Variants in ROBO2 observed in about 807,000 individuals in gnomAD.
ROBO2 encodes the protein roundabout homolog 2.
Under a neutral mutation model 160.8 loss-of-function variants are expected in ROBO2, and 53 were observed. The ratio of observed to expected loss-of-function variants is 0.33; its 90% CI spans 0.26 to 0.41. ROBO2 has a LOEUF of 0.41. Among genes scored for constraint, ROBO2 ranks in the 10% least tolerant of loss-of-function variants. ROBO2 has a pLI of 1.00. For synonymous variants in ROBO2, 664 were observed against 611.7 expected (o/e 1.09, Z -1.26); for missense variants, 1,577 against 1,722.4 (o/e 0.92, Z 1.49).
chr3:76,393,615 A>G (rs1332923034), intron 2 of ROBO2, among the ~76,000 whole-genome samples: 5 of 152,182 alleles, frequency 3.3e-5, no homozygotes, highest in Non-Finnish European at 7.3e-5. Flanking sequence ...GAAACACTGT[A>G]GATAATGAGG....
intron 2 of ROBO2, among the ~76,000 whole-genome samples, chr3:76,722,603 A>G (rs940336020): frequency 6.6e-6 from 1 of 152,118 alleles, no homozygotes; most frequent in Non-Finnish European, 1.5e-5. Flanking sequence ...CTCACTACCC[A>G]TTCTCTCTCC....
chr3:76,153,109 G>C (rs1176387772), intron 2 of ROBO2, among the ~76,000 whole-genome samples: 1 of 152,110 alleles, frequency 6.6e-6, no homozygotes, highest in African/African-American at 2.4e-5. Flanking sequence ...GTGGATTTCA[G>C]TCCCATGAAA....
At chr3:77,153,849 A>G (rs2150549686) in intron 2 of ROBO2, among the ~76,000 whole-genome samples, 1 of 152,248 alleles carries the variant, frequency 6.6e-6, no homozygotes, top group African/African-American at 2.4e-5. Flanking sequence ...TAATCGGGTT[A>G]TAGCCCTTTA....
intron 2 of ROBO2, among the ~76,000 whole-genome samples, chr3:76,217,931 G>A (rs1187160743): frequency 9.9e-5 from 15 of 152,068 alleles, no homozygotes; most frequent in African/African-American, 2.2e-4. Flanking sequence ...CTGGCAAACC[G>A]AATCCAGCAA....
chr3:77,242,560 T>C (rs1313536062), intron 2 of ROBO2, among the ~76,000 whole-genome samples: 1 of 152,158 alleles, frequency 6.6e-6, no homozygotes, highest in African/African-American at 2.4e-5. Context: ...AGCTTTACTA[T>C]AGAGATGACA....
intron 2 of ROBO2, among the ~76,000 whole-genome samples, chr3:76,127,422 A>G (rs1391859675): frequency 6.6e-6 from 1 of 152,076 alleles, no homozygotes; most frequent in African/African-American, 2.4e-5. Context: ...CTGAAAGCAA[A>G]TAGACTCTAG....
chr3:76,839,661 C>T (rs1330285037), intron 2 of ROBO2, among the ~76,000 whole-genome samples: 1 of 152,150 alleles, frequency 6.6e-6, no homozygotes, highest in East Asian at 1.9e-4. Flanking sequence ...GTTATGGTAT[C>T]AGGGTAACAC....
At chr3:76,194,854 G>A (rs1407290959) in intron 2 of ROBO2, among the ~76,000 whole-genome samples, 3 of 152,102 alleles carry the variant, frequency 2.0e-5, no homozygotes, top group Admixed American at 1.3e-4. Flanking sequence ...TCCTGACCTC[G>A]TGATCCGCCC....
At chr3:77,363,123 G>A (rs1186474226) in intron 2 of ROBO2, among the ~76,000 whole-genome samples, 1 of 152,098 alleles carries the variant, frequency 6.6e-6, no homozygotes, top group Non-Finnish European at 1.5e-5. Context: ...TGAACCCAGT[G>A]AGCATAGAAA....
intron 2 of ROBO2, among the ~76,000 whole-genome samples, chr3:76,011,157 A>G (rs2066180441): frequency 6.6e-6 from 1 of 152,052 alleles, no homozygotes; most frequent in African/African-American, 2.4e-5. Context: ...CATTTATCTA[A>G]TTGTATGCTA....
At chr3:76,578,973 T>C (rs1472748435) in intron 2 of ROBO2, among the ~76,000 whole-genome samples, 1 of 152,178 alleles carries the variant, frequency 6.6e-6, no homozygotes, top group African/African-American at 2.4e-5. Context: ...ATGTAAAATC[T>C]ACCATGCTAG....
intron 2 of ROBO2, among the ~76,000 whole-genome samples, chr3:77,028,754 T>A (rs1195482226): frequency 6.6e-6 from 1 of 152,154 alleles, no homozygotes; most frequent in African/African-American, 2.4e-5. Flanking sequence ...CTCATTTACC[T>A]TTTTCCTGGT....
At chr3:77,550,093 A>G (rs1272303885) in intron 7 of ROBO2, among the ~76,000 whole-genome samples, 1 of 152,074 alleles carries the variant, frequency 6.6e-6, no homozygotes, top group Non-Finnish European at 1.5e-5. Context: ...ATTAGGCTAT[A>G]TGTATATATG....
At chr3:76,566,625 C>T (rs1347837437) in intron 2 of ROBO2, among the ~76,000 whole-genome samples, 3 of 152,066 alleles carry the variant, frequency 2.0e-5, no homozygotes, top group Non-Finnish European at 4.4e-5. Context: ...TAAAATAATA[C>T]CAATGGCTTT....
chr3:76,706,435 G>A (rs1279261041), intron 2 of ROBO2, among the ~76,000 whole-genome samples: 2 of 151,980 alleles, frequency 1.3e-5, no homozygotes, highest in Non-Finnish European at 2.9e-5. Context: ...GACTTTTGAG[G>A]TTGGAAAGGA....
At chr3:77,227,981 T>C (rs761200233) in intron 2 of ROBO2, among the ~76,000 whole-genome samples, 9 of 152,326 alleles carry the variant, frequency 5.9e-5, no homozygotes, top group South Asian at 2.1e-4. Flanking sequence ...TGCAGAGGTA[T>C]GTAGAAGAGA....
At chr3:76,843,437 C>A (rs1452891980) in intron 2 of ROBO2, among the ~76,000 whole-genome samples, 1 of 151,874 alleles carries the variant, frequency 6.6e-6, no homozygotes, top group African/African-American at 2.4e-5. Flanking sequence ...TATCTGTTGA[C>A]AGGAATATAG....
chr3:76,942,280 G>A lies in ROBO2; in HGVS notation c.110-155734G>A, dbSNP rs868458242. On this transcript the variant is annotated intron_variant, in intron 2 of 26. Transcript: ENST00000487694. ...ACTTTGACATTTTTATCACCCCAGT[G>A]GAATGCCTGGTTTTCATTTGCAAAG... 2.2e-4 allele frequency among the ~76,000 whole-genome samples: 34 copies of A among 152,242 alleles called. No individual in the cohort carries two copies. The Middle Eastern group carries it at 0.01, about 46-fold the overall frequency.
At chr3:77,320,213 C>T (rs2064524060) in intron 2 of ROBO2, among the ~76,000 whole-genome samples, 1 of 152,080 alleles carries the variant, frequency 6.6e-6, no homozygotes, top group Non-Finnish European at 1.5e-5. Flanking sequence ...TTTAAAACTC[C>T]TCTCCCCACC....
Sources: allele counts gnomAD v4.1 joint callset (sites outside exome capture counted in the v4.1 genomes callset), GRCh38; gene constraint gnomAD v4.1.1; transcripts MANE v1.5; gene names NCBI Gene and HGNC (gene_info 2026-07-23, HGNC 2026-07-21).